The following PCDH7 variants were observed in gnomAD, a reference collection of about 807,000 sequenced individuals.
PCDH7 encodes protocadherin 7.
PCDH7 carries 17 observed loss-of-function variants against 58.9 expected under a neutral mutation model. The ratio of observed to expected loss-of-function variants is 0.29; its 90% confidence interval spans 0.20 to 0.43. PCDH7 has a LOEUF of 0.43. PCDH7 is among the 20% of genes least tolerant of loss of function. The pLI, the probability that PCDH7 is intolerant of heterozygous loss-of-function variation, is 1.00. For synonymous variants in PCDH7, 664 were observed against 616.4 expected (o/e 1.08, Z -1.14); for missense variants, 1,274 against 1,441.0 (o/e 0.88, Z 1.88).
chr4:30,888,473 C>T (rs1443552977), intron 1 of PCDH7, among the ~76,000 whole-genome samples: 1 of 152,106 alleles, frequency 6.6e-6, no homozygotes, highest in African/African-American at 2.4e-5. Flanking sequence ...TATTTATAGA[C>T]TAGAAGAGAT....
intron 3 of PCDH7, among the ~76,000 whole-genome samples, chr4:31,096,121 CAT>C (rs1162327122): frequency 6.6e-6 from 1 of 152,114 alleles, no homozygotes; most frequent in Non-Finnish European, 1.5e-5. Context: ...ACAGGCATAT[CAT>C]ATGTGCAAAA....
intron 3 of PCDH7, among the ~76,000 whole-genome samples, chr4:30,987,370 C>A (rs1226679359): frequency 6.6e-6 from 1 of 151,626 alleles, no homozygotes; most frequent in Non-Finnish European, 1.5e-5. Flanking sequence ...TGTAAGGACA[C>A]CCAGCGACTG....
At chr4:30,831,241 G>C (rs1729738391) in intron 1 of PCDH7, among the ~76,000 whole-genome samples, 1 of 152,038 alleles carries the variant, frequency 6.6e-6, no homozygotes, top group Admixed American at 6.6e-5. Flanking sequence ...CAATTAAGAA[G>C]CATCATAACT....
intron 3 of PCDH7, among the ~76,000 whole-genome samples, chr4:31,043,606 G>A (rs1157949137): frequency 4.6e-5 from 7 of 151,932 alleles, no homozygotes; most frequent in African/African-American, 1.7e-4. Context: ...AGTTCATGTT[G>A]CCCTTTGCTC....
intron 3 of PCDH7, among the ~76,000 whole-genome samples, chr4:30,958,267 A>T (rs1010133646): frequency 6.6e-6 from 1 of 152,094 alleles, no homozygotes; most frequent in Admixed American, 6.5e-5. Flanking sequence ...AATGTCTCAT[A>T]TAGTTAACTG....
At position 30,837,196 on chromosome 4, in the gene PCDH7, C is replaced by T. The variant is rs560430771; in HGVS notation, c.71-82957C>T. ...ATATGCACCAAAGCACTGGATTAGA[C>T]CTGTGCAGAAATTATTAAAATTACT... On this transcript the variant is annotated intron_variant, in intron 1 of 3. Transcript: ENST00000509759. 2.0e-5 allele frequency among the ~76,000 whole-genome samples: 3 copies of T among 152,022 alleles called. No homozygotes were observed. In the East Asian group the frequency reaches 5.8e-4, roughly 30 times the overall value.
At chr4:30,993,361 C>T (rs1051639444) in intron 3 of PCDH7, among the ~76,000 whole-genome samples, 2 of 152,170 alleles carry the variant, frequency 1.3e-5, no homozygotes, top group African/African-American at 2.4e-5. Context: ...TGATGCTTTA[C>T]CTTTCCAAGA....
chr4:30,801,092 G>A lies in PCDH7; in HGVS notation c.70+76496G>A, dbSNP rs1275952366. On this transcript the variant is annotated intron_variant, in intron 1 of 3. Transcript: ENST00000509759. ...GCCATGCCCTTGGACACTGACCTTG[G>A]AGACAGATCAAGAAGCATATGGACA... is the stretch of plus-strand genomic sequence containing the variant. 4.6e-5 allele frequency among the ~76,000 whole-genome samples: 7 copies of A among 152,302 alleles called. No homozygotes were observed. The East Asian group carries it at 1.2e-3, about 25-fold the overall frequency.
intron 1 of PCDH7, among the ~76,000 whole-genome samples, chr4:30,830,361 A>G (rs1387206492): frequency 1.3e-5 from 2 of 152,206 alleles, no homozygotes; most frequent in African/African-American, 2.4e-5. Flanking sequence ...CAAAAGTACT[A>G]CGTATGGTGA....
chr4:31,049,335 T>C (rs1240622356), intron 3 of PCDH7, among the ~76,000 whole-genome samples: 1 of 152,086 alleles, frequency 6.6e-6, no homozygotes, highest in Non-Finnish European at 1.5e-5. Context: ...TAGGTAAGTA[T>C]AACCCATTTC....
At chr4:31,008,967 C>T (rs575838326) in intron 3 of PCDH7, among the ~76,000 whole-genome samples, 5 of 152,102 alleles carry the variant, frequency 3.3e-5, no homozygotes, top group Admixed American at 1.3e-4. Flanking sequence ...CTGTATGTCC[C>T]ATCACATAAT....
intron 3 of PCDH7, among the ~76,000 whole-genome samples, chr4:31,097,277 T>G (rs1578787279): frequency 6.6e-6 from 1 of 151,718 alleles, no homozygotes; most frequent in Non-Finnish European, 1.5e-5. Flanking sequence ...GCCAACATGG[T>G]GAAACCCTGT....
chr4:30,801,562 T>C (rs1725523680), intron 1 of PCDH7, among the ~76,000 whole-genome samples: 1 of 152,212 alleles, frequency 6.6e-6, no homozygotes, highest in South Asian at 2.1e-4. Context: ...CAATCCCTGC[T>C]AGGCCACTAG....
intron 1 of PCDH7, among the ~76,000 whole-genome samples, chr4:30,819,780 A>T (rs909251323): frequency 1.9e-4 from 29 of 152,186 alleles, no homozygotes; most frequent in Middle Eastern, 6.8e-3. Context: ...TCTTTTTTTT[A>T]AAAGTAAATC....
chr4:30,777,533 A>G (rs561439563), intron 1 of PCDH7, among the ~76,000 whole-genome samples: 1 of 152,286 alleles, frequency 6.6e-6, no homozygotes, highest in South Asian at 2.1e-4. Context: ...TATGGGAGTC[A>G]CTGGTAGTTT....
chr4:30,773,900 GT>G, intron 1 of PCDH7, among the ~76,000 whole-genome samples: 1 of 152,176 alleles, frequency 6.6e-6, no homozygotes, highest in South Asian at 2.1e-4. Flanking sequence ...GAGTGTGAAG[GT>G]TTTTCTTTTT....
intron 3 of PCDH7, among the ~76,000 whole-genome samples, chr4:31,042,799 CT>C (rs1755990206): frequency 6.6e-6 from 1 of 152,060 alleles, no homozygotes; most frequent in Non-Finnish European, 1.5e-5. Context: ...AGTTTGATGT[CT>C]TGTTCAATTT....
At chr4:31,116,170 C>T (rs1716959671) in intron 3 of PCDH7, among the ~76,000 whole-genome samples, 1 of 152,154 alleles carries the variant, frequency 6.6e-6, no homozygotes, top group Non-Finnish European at 1.5e-5. Context: ...CTGTTTTATG[C>T]TCAAAATACA....
chr4:31,022,158 T>C (rs933952689), intron 3 of PCDH7, among the ~76,000 whole-genome samples: 2 of 152,224 alleles, frequency 1.3e-5, no homozygotes, highest in African/African-American at 4.8e-5. Context: ...TCTGTAGCAG[T>C]AGACTCTGTT....
Sources: gnomAD v4.1 joint callset for allele counts (sites outside exome capture counted in the v4.1 genomes callset) on GRCh38, gnomAD v4.1.1 for gene constraint, MANE v1.5 for transcripts, NCBI Gene and HGNC (gene_info 2026-07-23, HGNC 2026-07-21) for gene names.